The following OSBPL10 variants were observed in gnomAD, a reference collection of about 807,000 sequenced individuals.
OSBPL10 encodes oxysterol binding protein like 10, also known as oxysterol-binding protein-related protein 10.
A neutral mutation model predicts 81.7 loss-of-function variants in OSBPL10; 49 were observed. The ratio of observed to expected loss-of-function variants is 0.60; its 90% CI spans 0.48 to 0.76. The LOEUF is 0.76. Among genes scored for constraint, OSBPL10 ranks in the 30% least tolerant of loss-of-function variants. The pLI is 0.00. For missense variants in OSBPL10, 923 were observed against 987.8 expected, an observed-to-expected ratio of 0.93 and a Z score of 0.88; for synonymous variants, 419 against 383.6, an observed-to-expected ratio of 1.09 and a Z score of -1.08.
chr3:31,733,068 T>G, intron 6 of OSBPL10, 189 bp downstream of exon 6: 1 of 691,638 alleles, frequency 1.4e-6, no homozygotes, highest in South Asian at 2.0e-5. Context: ...CCACAGCAGC[T>G]GCCAGACACA....
intron 1 of OSBPL10, among the ~76,000 whole-genome samples, chr3:31,890,283 C>T (rs766364484): frequency 1.3e-5 from 2 of 151,518 alleles, no homozygotes; most frequent in Non-Finnish European, 2.9e-5. Flanking sequence ...TAAGCATTAG[C>T]CAACCTCATT....
At chr3:31,684,184 G>A in intron 7 of OSBPL10, 70 bp from the exon 8 acceptor site, 1 of 1,568,880 alleles carries the variant, frequency 6.4e-7, no homozygotes, top group Non-Finnish European at 8.6e-7. Context: ...GAAAGGTAAA[G>A]GCTGCAACCA....
chr3:31,744,299 G>A (rs1189303494), intron 5 of OSBPL10, among the ~76,000 whole-genome samples: 1 of 152,134 alleles, frequency 6.6e-6, no homozygotes, highest in Admixed American at 6.5e-5. Flanking sequence ...CCAGCACTTT[G>A]GGAGGCCAAG....
At position 31,714,448 on chromosome 3, in the gene OSBPL10, G is replaced by A. The variant is rs1478505988; in HGVS notation, c.1096-11940C>T. Among the ~76,000 whole-genome samples, 5 of 152,184 alleles carry A rather than the reference G, an allele frequency of 3.3e-5. No homozygotes were observed. In the East Asian group the frequency reaches 7.7e-4, roughly 23 times the overall value. On this transcript the variant is annotated intron_variant, in intron 6 of 11. Transcript: ENST00000396556. ...GGTAAGGAAGAGAGAGAGAAAGCACGAGAGGCAGCGGGGTGGAGTGAGAGG... is the reference window on the plus strand; with the variant it reads ...GGTAAGGAAGAGAGAGAGAAAGCACAAGAGGCAGCGGGGTGGAGTGAGAGG...
At chr3:31,890,192 T>C (rs1695853715) in intron 1 of OSBPL10, among the ~76,000 whole-genome samples, 2 of 149,974 alleles carry the variant, frequency 1.3e-5, no homozygotes, top group South Asian at 4.3e-4. Context: ...GTTTTCCATC[T>C]GGTATGCCAA....
chr3:31,847,562 C>G (rs145632200), intron 3 of OSBPL10, among the ~76,000 whole-genome samples: 2 of 152,078 alleles, frequency 1.3e-5, no homozygotes, highest in Non-Finnish European at 2.9e-5. Flanking sequence ...AACTATTCAC[C>G]GGCATTACCC....
intron 4 of OSBPL10, among the ~76,000 whole-genome samples, chr3:31,774,097 G>A (rs1698468913): frequency 6.6e-6 from 1 of 150,990 alleles, no homozygotes; most frequent in African/African-American, 2.5e-5. Context: ...GGGAGGCGGA[G>A]GTTGCAGTGA....
intron 4 of OSBPL10, among the ~76,000 whole-genome samples, chr3:31,765,987 T>A (rs1314859976): frequency 6.6e-6 from 1 of 152,176 alleles, no homozygotes; most frequent in Non-Finnish European, 1.5e-5. Flanking sequence ...TATGGCCGTC[T>A]CTTATTTCTC....
chr3:32,066,856 C>T (rs1300634101), intron 1 of OSBPL10, among the ~76,000 whole-genome samples: 1 of 152,022 alleles, frequency 6.6e-6, no homozygotes, highest in African/African-American at 2.4e-5. Context: ...TGTGATTGGC[C>T]CCAACAAACC....
intron 2 of OSBPL10, chr3:31,989,450 A>C (rs762465332): frequency 7.4e-6 from 12 of 1,614,246 alleles, no homozygotes; most frequent in Non-Finnish European, 1.0e-5. Flanking sequence ...AGAAATAGCC[A>C]TGAAGCAACT....
chr3:31,711,905 G>C (rs1696266839), intron 6 of OSBPL10, among the ~76,000 whole-genome samples: 1 of 152,120 alleles, frequency 6.6e-6, no homozygotes, highest in African/African-American at 2.4e-5. Flanking sequence ...ATAAATGAAA[G>C]GATATATGAT....
chr3:32,041,682 CAG>C (rs1163926036), intron 2 of OSBPL10, among the ~76,000 whole-genome samples: 1 of 151,142 alleles, frequency 6.6e-6, no homozygotes, highest in Non-Finnish European at 1.5e-5. Context: ...CTTTTTTTGA[CAG>C]AGTCTTGCTG....
intron 1 of OSBPL10, among the ~76,000 whole-genome samples, chr3:31,949,925 G>T (rs902880239): frequency 2.6e-5 from 4 of 152,064 alleles, no homozygotes; most frequent in African/African-American, 7.2e-5. Flanking sequence ...TGCTCTCAAT[G>T]AAAAATTTTA....
chr3:31,677,899 GT>G (rs1316565394), intron 8 of OSBPL10, among the ~76,000 whole-genome samples: 1 of 149,598 alleles, frequency 6.7e-6, no homozygotes, highest in Non-Finnish European at 1.5e-5. Flanking sequence ...GGCTAACAAG[GT>G]GAAACCCCGT....
intron 1 of OSBPL10, among the ~76,000 whole-genome samples, chr3:31,890,065 C>CAGG (rs1695850922): frequency 1.3e-5 from 2 of 151,864 alleles, no homozygotes; most frequent in Admixed American, 6.6e-5. Context: ...TTGTGAAGGT[C>CAGG]AGGAAGTCGG....
chr3:31,859,345 C>T (rs1333336598), intron 3 of OSBPL10, among the ~76,000 whole-genome samples: 10 of 152,216 alleles, frequency 6.6e-5, no homozygotes, highest in Non-Finnish European at 1.2e-4. Context: ...GGGTGACCGC[C>T]CAGGGAGGGC....
At chr3:31,925,266 G>A (rs1011875003) in intron 1 of OSBPL10, among the ~76,000 whole-genome samples, 8 of 151,804 alleles carry the variant, frequency 5.3e-5, no homozygotes, top group Admixed American at 5.3e-4. Context: ...GGCTGTCCAG[G>A]ACAAGTTCCA....
At chr3:31,684,702 C>A (rs1700747095) in intron 7 of OSBPL10, among the ~76,000 whole-genome samples, 1 of 152,214 alleles carries the variant, frequency 6.6e-6, no homozygotes, top group Admixed American at 6.5e-5. Flanking sequence ...AAGGGCCCAG[C>A]TCCAGGACGG....
chr3:31,904,354 G>A (rs1166321732), intron 1 of OSBPL10, among the ~76,000 whole-genome samples: 1 of 152,098 alleles, frequency 6.6e-6, no homozygotes, highest in Non-Finnish European at 1.5e-5. Context: ...TTCATCCCAG[G>A]CACTAAGGCA....
Sources: allele counts gnomAD v4.1 joint callset (sites outside exome capture counted in the v4.1 genomes callset), GRCh38; gene constraint gnomAD v4.1.1; transcripts MANE v1.5; gene names NCBI Gene and HGNC (gene_info 2026-07-23, HGNC 2026-07-21).